Variants in SCHIP1 observed in about 807,000 individuals in gnomAD.
SCHIP1 encodes schwannomin-interacting protein 1.
SCHIP1 carries 8 observed loss-of-function variants against 29.7 expected under a neutral mutation model. The observed-to-expected ratio is 0.27, with a 90% CI of 0.16 to 0.49. SCHIP1 has a LOEUF of 0.49. Among genes scored for constraint, SCHIP1 ranks in the 20% least tolerant of loss-of-function variants. The pLI is 0.99. For synonymous variants in SCHIP1, 76 were observed against 94.9 expected, an observed-to-expected ratio of 0.80 and a Z score of 1.16; for missense variants, 193 against 294.6, an observed-to-expected ratio of 0.66 and a Z score of 2.52.
chr3:159,704,842 CT>C, the SCHIP1 span, among the ~76,000 whole-genome samples: 1 of 151,856 alleles, frequency 6.6e-6, no homozygotes, highest in South Asian at 2.1e-4. Flanking sequence ...TTTCTTGCTT[CT>C]TTTTTATTCC....
At chr3:159,547,627 G>T in the SCHIP1 span, among the ~76,000 whole-genome samples, 2 of 152,052 alleles carry the variant, frequency 1.3e-5, no homozygotes, top group Admixed American at 1.3e-4. Context: ...TCAGTTTTCT[G>T]CATATGGCTA....
the SCHIP1 span, among the ~76,000 whole-genome samples, chr3:159,458,269 G>GC: frequency 3.9e-5 from 6 of 152,242 alleles, no homozygotes; most frequent in Admixed American, 3.9e-4. Context: ...AGGTGACCAC[G>GC]CCTGCCTAAC....
chr3:159,374,619 A>G, the SCHIP1 span, among the ~76,000 whole-genome samples: 1 of 152,220 alleles, frequency 6.6e-6, no homozygotes, highest in African/African-American at 2.4e-5. Context: ...TAGAAGTTAC[A>G]GAAATATGTA....
the SCHIP1 span, among the ~76,000 whole-genome samples, chr3:159,691,415 G>C: frequency 8.3e-6 from 1 of 120,812 alleles, no homozygotes; most frequent in African/African-American, 3.6e-5. Context: ...TGCAACCCCT[G>C]CTTTTTTTTT....
the SCHIP1 span, among the ~76,000 whole-genome samples, chr3:159,629,518 C>T: frequency 0.036 from 5,479 of 152,246 alleles, 133 homozygotes; most frequent in Non-Finnish European, 0.054. Flanking sequence ...TGCCTATCAA[C>T]AGGCCTGGCA....
rs758566720 is a variant in SCHIP1 at position 159,888,838 on chromosome 3, A to G, written c.484A>G (p.Ile162Val). 223 of 1,613,980 alleles carry G rather than the reference A, an allele frequency of 1.4e-4. No individual in the cohort carries two copies. The highest frequency in any genetic ancestry group is 1.9e-4 in the African/African-American group (14 of 74,926). ...TCTTCAGCTGCCACACATGCCTCAT[A>G]TAAGTGAATGCTTGATGAAAAGAAG... The change falls in exon 5 of 7, where the codon ATA (isoleucine) becomes GTA (valine). Residue 162 changes from isoleucine to valine, a missense_variant. Transcript: ENST00000445224.
the SCHIP1 span, among the ~76,000 whole-genome samples, chr3:159,570,173 T>C: frequency 6.6e-6 from 1 of 152,244 alleles, no homozygotes; most frequent in Non-Finnish European, 1.5e-5. Context: ...CTATTTTGGC[T>C]TTTGTTGCCA....
chr3:159,891,098 G>A (rs1260230583), intron 5 of SCHIP1, among the ~76,000 whole-genome samples: 2 of 152,184 alleles, frequency 1.3e-5, no homozygotes, highest in Non-Finnish European at 2.9e-5. Context: ...GGGCCCAGGT[G>A]CAGTGGCTCA....
At chr3:159,805,157 G>C in the SCHIP1 span, among the ~76,000 whole-genome samples, 8 of 152,306 alleles carry the variant, frequency 5.3e-5, no homozygotes, top group East Asian at 1.4e-3. Flanking sequence ...AGGAGGAATT[G>C]AAGGTGCTCA....
chr3:159,514,606 C>T, the SCHIP1 span, among the ~76,000 whole-genome samples: 1 of 152,308 alleles, frequency 6.6e-6, no homozygotes, highest in South Asian at 2.1e-4. Flanking sequence ...TTTCTTTAGT[C>T]ACCAACCTTC....
At chr3:159,416,127 T>C in the SCHIP1 span, among the ~76,000 whole-genome samples, 1 of 152,220 alleles carries the variant, frequency 6.6e-6, no homozygotes, top group Non-Finnish European at 1.5e-5. Flanking sequence ...TTAATATTCT[T>C]GGGCATTTTT....
At chr3:159,522,126 A>G in the SCHIP1 span, among the ~76,000 whole-genome samples, 1 of 152,212 alleles carries the variant, frequency 6.6e-6, no homozygotes, top group Non-Finnish European at 1.5e-5. Flanking sequence ...TGCAAGACCA[A>G]ATAGAAATTA....
upstream of SCHIP1, among the ~76,000 whole-genome samples, chr3:159,839,289 TA>T (rs66945994): frequency 0.078 from 10,787 of 138,832 alleles, 1,199 homozygotes; most frequent in African/African-American, 0.26. Context: ...AGCCTTACAT[TA>T]AAAAAAAAAA....
chr3:159,839,725 T>C, upstream of SCHIP1: 1 of 225,104 alleles, frequency 4.4e-6, no homozygotes, highest in Non-Finnish European at 7.7e-6. Context: ...AATGTTCAAC[T>C]GCAACATTGA....
chr3:159,647,445 A>C, the SCHIP1 span, among the ~76,000 whole-genome samples: 1 of 152,100 alleles, frequency 6.6e-6, no homozygotes, highest in African/African-American at 2.4e-5. Flanking sequence ...AGGGAAGGGG[A>C]CTGTAGATCC....
chr3:159,672,899 T>A, the SCHIP1 span, among the ~76,000 whole-genome samples: 1 of 152,156 alleles, frequency 6.6e-6, no homozygotes, highest in Non-Finnish European at 1.5e-5. Context: ...ATGGTTACAC[T>A]AGTAGTAATA....
At chr3:159,630,164 A>G in the SCHIP1 span, among the ~76,000 whole-genome samples, 1 of 152,236 alleles carries the variant, frequency 6.6e-6, no homozygotes, top group Non-Finnish European at 1.5e-5. Context: ...GGGAATACAT[A>G]AAATGAAGCA....
upstream of SCHIP1, among the ~76,000 whole-genome samples, chr3:159,838,051 G>T (rs145678428): frequency 2.0e-4 from 30 of 152,178 alleles, no homozygotes; most frequent in African/African-American, 7.0e-4. Context: ...CTTTTCCTTT[G>T]AACCTGCTGC....
the SCHIP1 span, among the ~76,000 whole-genome samples, chr3:159,298,224 A>G: frequency 1.3e-5 from 2 of 152,088 alleles, 1 homozygote; most frequent in South Asian, 4.1e-4. Context: ...AATTTGGAAT[A>G]TTTTTCTTCC....
Sources: gnomAD v4.1 joint callset for allele counts (sites outside exome capture counted in the v4.1 genomes callset) on GRCh38, gnomAD v4.1.1 for gene constraint, MANE v1.5 for transcripts, NCBI Gene and HGNC (gene_info 2026-07-23, HGNC 2026-07-21) for gene names.